Variants in CD6 observed in about 807,000 individuals in gnomAD.
CD6 encodes T-cell differentiation antigen CD6.
A neutral mutation model predicts 75.3 loss-of-function variants in CD6; 53 were observed. That is an observed-to-expected ratio of 0.70 (90% CI 0.56 to 0.88). CD6 has a LOEUF of 0.88. Ranked by LOEUF, CD6 falls within the 40% of genes least tolerant of loss-of-function variation. CD6 has a pLI of 0.00. For synonymous variants in CD6, 359 were observed against 381.5 expected, an observed-to-expected ratio of 0.94 and a Z score of 0.69; for missense variants, 770 against 897.1, an observed-to-expected ratio of 0.86 and a Z score of 1.81.
Position 60,971,808 on chromosome 11 carries a change from C to A in CD6, c.-58C>A. The A allele has an allele frequency of 1.3e-6, 2 of 1,580,956 alleles. No homozygotes were observed. Among genetic ancestry groups the A allele is most frequent in the Non-Finnish European group, 1.7e-6 (2 of 1,155,086 alleles). Reference sequence around the variant, plus strand: ...CACAACGGCCGTGTCCACCTCCCGGCCCCAAGATGGTGCTTCCCACAGGCA... The same window carrying A: ...CACAACGGCCGTGTCCACCTCCCGGACCCAAGATGGTGCTTCCCACAGGCA... On this transcript the variant is annotated 5_prime_UTR_variant, in exon 1 of 13. Coordinates refer to ENST00000313421, the MANE Select transcript of CD6 (RefSeq NM_006725.5).
intron 1 of CD6, among the ~76,000 whole-genome samples, chr11:60,974,000 C>T (rs555396492): frequency 6.6e-6 from 1 of 152,248 alleles, no homozygotes; most frequent in East Asian, 1.9e-4. Flanking sequence ...GGCCCAAATG[C>T]TAGCAGAACC....
intron 1 of CD6, among the ~76,000 whole-genome samples, chr11:61,001,534 T>G (rs1181834337): frequency 1.3e-5 from 2 of 152,220 alleles, no homozygotes; most frequent in Non-Finnish European, 2.9e-5. Flanking sequence ...TAACATGGCT[T>G]TATTTTTAGT....
In CD6 at chr11:60,971,762, A is replaced by G; in HGVS notation, c.-104A>G. The G allele has an allele frequency of 8.9e-7, 1 of 1,119,972 alleles. No homozygotes were observed. The highest frequency in any genetic ancestry group is 1.3e-5 in the South Asian group (1 of 76,706). 69.4% of individuals were successfully genotyped at this position (1,119,972 alleles called of 1,614,324 possible). ...CAGGAACAAGAACAGCAAAGGGTAG[A>G]GCAGACCTGCGCCAGGGGCGCACAA... On this transcript the variant is annotated 5_prime_UTR_variant, in exon 1 of 13. Coordinates refer to ENST00000313421, the MANE Select transcript of CD6 (RefSeq NM_006725.5).
In CD6 at chr11:61,009,663, C is replaced by A. The variant is rs1859052976; in HGVS notation, c.873C>A (p.Asp291Glu). ...GAGGGGTCTGGAACACAGTGTGTGA[C>A]AGTGAGTGGTACCCATCGGAGGCCA... is the stretch of plus-strand genomic sequence containing the variant. The part of the protein sequence containing the change: ...HFRGVWNTVC[D>E]SEWYPSEAKV... The change falls in exon 5 of 13, where the codon GAC (aspartate) becomes GAA (glutamate). Residue 291 changes from aspartate (D) to glutamate (E), a missense_variant. Transcript: ENST00000313421. 1 of 1,613,954 alleles carries A rather than the reference C, an allele frequency of 6.2e-7. No individual in the cohort carries two copies. Among genetic ancestry groups the A allele is most frequent in the Non-Finnish European group, 8.5e-7 (1 of 1,180,026 alleles).
intron 1 of CD6, among the ~76,000 whole-genome samples, chr11:60,979,187 T>C (rs1217113169): frequency 6.6e-6 from 1 of 152,220 alleles, no homozygotes; most frequent in African/African-American, 2.4e-5. Flanking sequence ...TATTCTAGCA[T>C]AGGGTTTCTC....
chr11:60,981,526 C>A (rs1857557863), intron 1 of CD6, among the ~76,000 whole-genome samples: 1 of 152,230 alleles, frequency 6.6e-6, no homozygotes, highest in African/African-American at 2.4e-5. Context: ...CCATGCCCAG[C>A]CTTCGTTTCC....
intron 9 of CD6, among the ~76,000 whole-genome samples, chr11:61,016,372 A>G (rs1859406297): frequency 1.3e-5 from 2 of 152,240 alleles, no homozygotes; most frequent in Non-Finnish European, 2.9e-5. Context: ...AGGTTGGAAT[A>G]GACCAGAGCG....
At chr11:60,993,074 A>G (rs1378896385) in intron 1 of CD6, among the ~76,000 whole-genome samples, 1 of 152,084 alleles carries the variant, frequency 6.6e-6, no homozygotes, top group African/African-American at 2.4e-5. Context: ...ACCACCTGGT[A>G]GCTGGAAAGA....
chr11:60,973,516 C>T (rs1323433575), intron 1 of CD6, among the ~76,000 whole-genome samples: 4 of 152,214 alleles, frequency 2.6e-5, no homozygotes, highest in Admixed American at 2.6e-4. Flanking sequence ...AAGTTTACAT[C>T]ACTATTATAA....
At chr11:60,991,491 T>C (rs1858063735) in intron 1 of CD6, among the ~76,000 whole-genome samples, 1 of 152,126 alleles carries the variant, frequency 6.6e-6, no homozygotes, top group Non-Finnish European at 1.5e-5. Context: ...CATAAGGCTA[T>C]GATCATCCTG....
intron 1 of CD6, among the ~76,000 whole-genome samples, chr11:60,978,630 C>T (rs1342067797): frequency 6.6e-6 from 1 of 152,174 alleles, no homozygotes; most frequent in Non-Finnish European, 1.5e-5. Flanking sequence ...TGAGGCTTTA[C>T]AGGTTATGGA....
intron 1 of CD6, among the ~76,000 whole-genome samples, chr11:61,000,939 G>A (rs556603878): frequency 8.7e-4 from 133 of 152,146 alleles, no homozygotes; most frequent in African/African-American, 2.6e-3. Context: ...GGCTGGGGTC[G>A]GCACTCCCAA....
In CD6 at chr11:61,017,935, G is replaced by T; in HGVS notation, c.1759G>T (p.Val587Leu). ...KSKLPPWNPQ[V>L]FSSERSSFLE... ...CAAGCTGCCTCCATGGAACCCCCAG[G>T]TGTTTTCTTCAGAGAGGAGTTCCTT... is the stretch of plus-strand genomic sequence containing the variant. The change falls in exon 11 of 13, where the codon GTG becomes TTG. Residue 587 changes from valine to leucine, a missense_variant. Val to Leu is a conservative substitution (Grantham distance 32). Coordinates refer to ENST00000313421, the MANE Select transcript of CD6 (RefSeq NM_006725.5). The T allele has an allele frequency of 6.2e-7, 1 of 1,613,942 alleles. No homozygotes were observed. Among genetic ancestry groups the T allele is most frequent in the South Asian group, 1.1e-5 (1 of 91,080 alleles).
Position 61,008,693 on chromosome 11 carries a change from C to A in CD6, c.629C>A (p.Ala210Asp). 1 of 1,607,626 alleles carries A rather than the reference C, an allele frequency of 6.2e-7. No individual in the cohort carries two copies. The highest frequency in any genetic ancestry group is 8.5e-7 in the Non-Finnish European group (1 of 1,177,716). ...CTGGGCTGCGGCTGGGCAGTCCAGG[C>A]CCTGCCCGGCTTGCACTTCACGCCC... ...RQLGCGWAVQ[A>D]LPGLHFTPGR... Residue 210 changes from alanine to aspartate, a missense_variant, in exon 4 of 13, where the codon GCC (alanine) becomes GAC (aspartate). By Grantham distance (126) the Ala-to-Asp change is moderately radical. Transcript: ENST00000313421.
chr11:60,982,403 G>A (rs1164020796), intron 1 of CD6, among the ~76,000 whole-genome samples: 1 of 152,196 alleles, frequency 6.6e-6, no homozygotes, highest in Non-Finnish European at 1.5e-5. Context: ...AGAGCTGGGA[G>A]CAGAGTCACT....
chr11:60,972,104 C>T (rs565319421), intron 1 of CD6, among the ~76,000 whole-genome samples, 190 bp downstream of exon 1: 1 of 152,302 alleles, frequency 6.6e-6, no homozygotes, highest in Non-Finnish European at 1.5e-5. Context: ...GGGGCTGGGG[C>T]TGTGCCTGGA....
At chr11:61,018,121 C>A in intron 11 of CD6, 108 bp downstream of exon 11, 1 of 1,418,936 alleles carries the variant, frequency 7.0e-7, no homozygotes, top group Non-Finnish European at 9.7e-7. Flanking sequence ...CCCAGTTCCG[C>A]AGCCATTCGC....
chr11:60,987,000 C>T (rs569057731), intron 1 of CD6, among the ~76,000 whole-genome samples: 3 of 152,274 alleles, frequency 2.0e-5, no homozygotes, highest in South Asian at 4.1e-4. Context: ...AGGTGGCACG[C>T]GCCTGTAATC....
chr11:61,019,472 C>G lies in CD6; in HGVS notation c.*154C>G, dbSNP rs1859576151. On this transcript the variant is annotated 3_prime_UTR_variant, in exon 13 of 13. Coordinates refer to ENST00000313421, the MANE Select transcript of CD6 (RefSeq NM_006725.5). ...GGAAGGAAACGTTATACCTTGTACCCCTCGGTCTCCATCCATCAAGCCAAA... is the reference window on the plus strand; with the variant it reads ...GGAAGGAAACGTTATACCTTGTACCGCTCGGTCTCCATCCATCAAGCCAAA... 1.9e-6 allele frequency: 1 copy of G among 531,316 alleles called. No individual in the cohort carries two copies. The highest frequency in any genetic ancestry group is 3.2e-6 in the Non-Finnish European group (1 of 310,706). The allele number at this position is 531,316 out of a possible 1,614,324, so 32.9% of individuals were successfully genotyped here. A position where few individuals can be genotyped will look rare whatever the true frequency, so the allele number is the denominator to read the frequency against.
Sources: gnomAD v4.1 joint callset for allele counts (sites outside exome capture counted in the v4.1 genomes callset) on GRCh38, gnomAD v4.1.1 for gene constraint, MANE v1.5 for transcripts, NCBI Gene and HGNC (gene_info 2026-07-23, HGNC 2026-07-21) for gene names.